The following RAVER1 variants were observed in gnomAD, a reference collection of about 807,000 sequenced individuals.
RAVER1 encodes the protein ribonucleoprotein, PTB binding 1, also known as ribonucleoprotein PTB-binding 1.
RAVER1 carries 36 observed loss-of-function variants against 68.4 expected under a neutral mutation model. The observed-to-expected ratio is 0.53, with a 90% CI of 0.40 to 0.70. The LOEUF (loss-of-function observed/expected upper bound fraction) is 0.70, where lower values mean the gene tolerates loss of function less well. RAVER1 is among the 30% of genes least tolerant of loss of function. The pLI is 0.00. For synonymous variants in RAVER1, 469 were observed against 472.7 expected (o/e 0.99, Z 0.10); for missense variants, 933 against 1,019.8 (o/e 0.91, Z 1.16).
intron 1 of RAVER1, among the ~76,000 whole-genome samples, chr19:10,331,635 G>C (rs911712634): frequency 8.5e-6 from 1 of 117,310 alleles, no homozygotes; most frequent in Non-Finnish European, 1.6e-5. Flanking sequence ...GCAGTGAGCA[G>C]ACATCAAGCC....
At position 10,318,215 on chromosome 19, in the gene RAVER1, G is replaced by A; in HGVS notation, c.1989+14C>T. 2 of 1,596,306 alleles carry A rather than the reference G, an allele frequency of 1.3e-6. No individual in the cohort carries two copies. The highest frequency in any genetic ancestry group is 1.8e-5 in the Admixed American group (1 of 56,728). On this transcript the variant is annotated intron_variant, in intron 11 of 12. Coordinates refer to ENST00000617231, the MANE Select transcript of RAVER1 (RefSeq NM_133452.3). ...GTCCCAGGGGGCCTGTGCTTGGCCAGAGAGGTTCCTCACCTTACTGAGGTG... is the reference window on the plus strand; with the variant it reads ...GTCCCAGGGGGCCTGTGCTTGGCCAAAGAGGTTCCTCACCTTACTGAGGTG...
chr19:10,330,121 C>CAAA (rs548215492), intron 2 of RAVER1, among the ~76,000 whole-genome samples: 2 of 85,230 alleles, frequency 2.3e-5, no homozygotes, highest in Non-Finnish European at 4.8e-5. Context: ...GACTCCATCT[C>CAAA]AAAAAAAAAA....
chr19:10,330,617 C>T, intron 1 of RAVER1, 91 bp from the exon 2 acceptor site: 1 of 655,740 alleles, frequency 1.5e-6, no homozygotes, highest in East Asian at 2.9e-5. Flanking sequence ...GCTATGAAGG[C>T]AGGTCAATTA....
rs563320632 is a variant in RAVER1, at chr19:10,322,241, T to C, written c.1173+404A>G. ...GTGTTTCTAGGTGTGCGTGTGTGTG[T>C]GTGCACACACTGAGGGGATAGACCT... On this transcript the variant is annotated intron_variant, in intron 6 of 12. Coordinates refer to ENST00000617231, the MANE Select transcript of RAVER1 (RefSeq NM_133452.3). This position sits in a 1 kb window ranked among gnomAD's most constrained non-coding sequence, Gnocchi z 4.3. The C allele has an allele frequency of 9.5e-5, 21 of 221,958 alleles. No individual in the cohort carries two copies. The highest frequency in any genetic ancestry group is 3.1e-4 in the Admixed American group (5 of 16,226). 13.7% of individuals were successfully genotyped at this position (221,958 alleles called of 1,614,324 possible).
chr19:10,330,619 G>A lies in RAVER1; in HGVS notation c.220-93C>T, dbSNP rs2040508136. Reference sequence around the variant, plus strand: ...ATAGCTGCCACCAGCTATGAAGGCAGGTCAATTACCACCCCCCATTTTACC... The same window carrying A: ...ATAGCTGCCACCAGCTATGAAGGCAAGTCAATTACCACCCCCCATTTTACC... On this transcript the variant is annotated intron_variant, in intron 1 of 12. Coordinates refer to ENST00000617231, the MANE Select transcript of RAVER1 (RefSeq NM_133452.3). 4.6e-6 allele frequency: 3 copies of A among 646,360 alleles called. No homozygotes were observed. The South Asian group carries it at 5.1e-5, about 11-fold the overall frequency. The allele number at this position is 646,360 out of a possible 1,614,324, so 40.0% of individuals were successfully genotyped here. A position where few individuals can be genotyped will look rare whatever the true frequency, so the allele number is the denominator to read the frequency against.
chr19:10,332,330 G>C (rs1485288438), intron 1 of RAVER1, among the ~76,000 whole-genome samples: 1 of 152,166 alleles, frequency 6.6e-6, no homozygotes, highest in Admixed American at 6.6e-5. Context: ...AAGTGCTGGC[G>C]CCTGCTGGGA....
rs2040536151 is a variant in RAVER1 at position 10,333,179 on chromosome 19, C to T, written c.219+110G>A. On this transcript the variant is annotated intron_variant, in intron 1 of 12. Coordinates refer to ENST00000617231, the MANE Select transcript of RAVER1 (RefSeq NM_133452.3). This position sits in a 1 kb window ranked among gnomAD's most constrained non-coding sequence, Gnocchi z 4.2. ...ATCCCGCGTGGATCCGGTGCTTGGGCGCCCCCGCCAACGACCCCCGCGCAC... is the reference window on the plus strand; with the variant it reads ...ATCCCGCGTGGATCCGGTGCTTGGGTGCCCCCGCCAACGACCCCCGCGCAC... The T allele has an allele frequency of 1.8e-6, 2 of 1,107,390 alleles. No homozygotes were observed. The highest frequency in any genetic ancestry group is 1.6e-5 in the South Asian group (1 of 63,276). 68.6% of individuals were successfully genotyped at this position (1,107,390 alleles called of 1,614,324 possible).
At chr19:10,319,338 C>G in intron 9 of RAVER1, 98 bp from the exon 10 acceptor site, 1 of 1,249,446 alleles carries the variant, frequency 8.0e-7, no homozygotes, top group Non-Finnish European at 1.1e-6. Context: ...AAGACAGTCC[C>G]CACCACTCTG....
At position 10,328,997 on chromosome 19, in the gene RAVER1, A is replaced by G; in HGVS notation, c.401T>C (p.Leu134Pro). The part of the protein sequence containing the change: ...SVQLQPTDAL[L>P]CVANLPPSLT... ...GCTGGGGGGCAGGTTGGCCACACAC[A>G]GCAGGGCATCCGTGGGCTGCAGCTG... Residue 134 changes from leucine (L) to proline (P), a missense_variant, in exon 3 of 13, where the codon CTG (leucine) becomes CCG (proline). Leu to Pro is a moderately conservative substitution (Grantham distance 98). This residue lies in a region of RAVER1 where 211 missense variants were observed against 230.0 expected (regional missense o/e 0.92). Coordinates refer to ENST00000617231, the MANE Select transcript of RAVER1 (RefSeq NM_133452.3). This position sits in a 1 kb window ranked among gnomAD's most constrained non-coding sequence, Gnocchi z 4.4. 1.3e-6 allele frequency: 2 copies of G among 1,587,444 alleles called. No homozygotes were observed. The highest frequency in any genetic ancestry group is 1.7e-6 in the Non-Finnish European group (2 of 1,163,904).
In RAVER1 at chr19:10,329,132, T is replaced by C; in HGVS notation, c.287-21A>G. The stretch of plus-strand genomic sequence containing the variant: ...GAAGGCTGCGGTGGGAGGAGGGCAG[T>C]GCGAGGTCAGCCGGGCCCTGAGGGC... On this transcript the variant is annotated intron_variant, in intron 2 of 12. Transcript: ENST00000617231. The surrounding 1 kb of genome is among the most constrained non-coding windows in gnomAD (Gnocchi z 4.6). 7.1e-7 allele frequency: 1 copy of C among 1,417,658 alleles called. No homozygotes were observed. The highest frequency in any genetic ancestry group is 9.4e-7 in the Non-Finnish European group (1 of 1,068,672). The allele number at this position is 1,417,658 out of a possible 1,614,324, so 87.8% of individuals were successfully genotyped here. A position where few individuals can be genotyped will look rare whatever the true frequency, so the allele number is the denominator to read the frequency against.
intron 9 of RAVER1, among the ~76,000 whole-genome samples, chr19:10,319,766 A>G (rs2040420054): frequency 6.7e-6 from 1 of 149,108 alleles, no homozygotes; most frequent in African/African-American, 2.4e-5. Flanking sequence ...TTTTTAGTAT[A>G]AAACATAAAT....
chr19:10,321,087 G>A lies in RAVER1; in HGVS notation c.1434C>T (p.Gly478=). The A allele has an allele frequency of 7.4e-7, 1 of 1,343,514 alleles. No individual in the cohort carries two copies. Among genetic ancestry groups the A allele is most frequent in the Non-Finnish European group, 9.5e-7 (1 of 1,049,142 alleles). The allele number at this position is 1,343,514 out of a possible 1,614,324, so 83.2% of individuals were successfully genotyped here. The stretch of plus-strand genomic sequence containing the variant: ...GCAGAGGCCCACTGTCTTTCTGGAG[G>A]CCTCTGAGGCCAGAGCCTCGGAGCC... ...PVGLRGSGLR[G]LQKDSGPLPT... Residue 478 remains glycine, a synonymous_variant, in exon 8 of 13, where the codon GGC becomes GGT. Coordinates refer to ENST00000617231, the MANE Select transcript of RAVER1 (RefSeq NM_133452.3).
At chr19:10,331,393 CAAAAAAAAAA>C (rs1171709414) in intron 1 of RAVER1, among the ~76,000 whole-genome samples, 1 of 48,514 alleles carries the variant, frequency 2.1e-5, no homozygotes, top group African/African-American at 9.3e-5. Flanking sequence ...ATAACAACAA[CAAAAAAAAAA>C]AAAAAAAAAG....
chr19:10,318,841 G>C (rs2040414121), intron 10 of RAVER1, among the ~76,000 whole-genome samples: 1 of 152,226 alleles, frequency 6.6e-6, no homozygotes, highest in African/African-American at 2.4e-5. Flanking sequence ...TGAGACCCAG[G>C]TGAGTGCCGG....
Position 10,333,333 on chromosome 19 carries a change from G to A in RAVER1, c.175C>T (p.Arg59Cys). ...GGGAGGCCCCGGATCAGTATCTTGC[G>A]GCGGTTACGGAACTGGCGCTCGGTG... Reference protein sequence around the residue: ...EHTERQFRNRRKILIRGLPGD... With the variant: ...EHTERQFRNRCKILIRGLPGD... Residue 59 changes from arginine to cysteine, a missense_variant, in exon 1 of 13, where the codon CGC (arginine) becomes TGC (cysteine). Around this residue, in one of 3 missense-constraint regions of RAVER1, gnomAD observed 211 missense variants for 230.0 expected, o/e 0.92. Coordinates refer to ENST00000617231, the MANE Select transcript of RAVER1 (RefSeq NM_133452.3). The surrounding 1 kb of genome is among the most constrained non-coding windows in gnomAD (Gnocchi z 4.2). 1 of 1,612,700 alleles carries A rather than the reference G, an allele frequency of 6.2e-7. No individual in the cohort carries two copies. The highest frequency in any genetic ancestry group is 8.5e-7 in the Non-Finnish European group (1 of 1,178,902).
chr19:10,316,421 C>T lies in RAVER1; in HGVS notation c.*1033G>A, dbSNP rs1191995550. Reference sequence around the variant, plus strand: ...GGTGGGCGGGCCCAGAGTTTATCTTCATGGAGTGCTGGTTTCTGGCACTGG... The same window carrying T: ...GGTGGGCGGGCCCAGAGTTTATCTTTATGGAGTGCTGGTTTCTGGCACTGG... On this transcript the variant is annotated 3_prime_UTR_variant, in exon 13 of 13. Coordinates refer to ENST00000617231, the MANE Select transcript of RAVER1 (RefSeq NM_133452.3). The T allele has an allele frequency of 9.8e-7, 1 of 1,017,990 alleles. No individual in the cohort carries two copies. Among genetic ancestry groups the T allele is most frequent in the Non-Finnish European group, 1.2e-6 (1 of 851,128 alleles). The allele number at this position is 1,017,990 out of a possible 1,614,324, so 63.1% of individuals were successfully genotyped here. A position where few individuals can be genotyped will look rare whatever the true frequency, so the allele number is the denominator to read the frequency against.
Position 10,331,729 on chromosome 19 carries a change from A to G in RAVER1, c.220-1203T>C, listed in dbSNP as rs1255715280. Among the ~76,000 whole-genome samples the G allele has an allele frequency of 2.7e-5, 4 of 149,476 alleles. No homozygotes were observed. In the Admixed American group the frequency reaches 2.7e-4, roughly 10 times the overall value. ...AAAAGAGTATGCCTTTAGGGAAGCC[A>G]TTTAACCTGCATGAACCTCCTTTTG... On this transcript the variant is annotated intron_variant, in intron 1 of 12. Transcript: ENST00000617231.
In RAVER1 at chr19:10,333,494, A is replaced by C. The variant is rs762230332; in HGVS notation, c.14T>G (p.Val5Gly). The C allele has an allele frequency of 3.6e-5, 58 of 1,599,992 alleles. No homozygotes were observed. The highest frequency in any genetic ancestry group is 4.9e-5 in the Non-Finnish European group (57 of 1,173,418). The change falls in exon 1 of 13, where the codon GTG becomes GGG. Residue 5 changes from valine to glycine, a missense_variant. Coordinates refer to ENST00000617231, the MANE Select transcript of RAVER1 (RefSeq NM_133452.3). The surrounding 1 kb of genome is among the most constrained non-coding windows in gnomAD (Gnocchi z 4.2). The part of the protein sequence containing the change: MAAD[V>G]SVTHRPPLSP... ...CAGCGGGGGCCGGTGAGTAACGGAC[A>C]CGTCCGCCGCCATCTTGGGAAACCC...
Position 10,317,680 on chromosome 19 carries a change from C to T in RAVER1, c.2073+10G>A. 1 of 1,568,060 alleles carries T rather than the reference C, an allele frequency of 6.4e-7. No homozygotes were observed. ...TCCCAGCCCTGCATGTCCCCACCCC[C>T]TGCCCGTACCTTCAGCAGGTGGCTG... On this transcript the variant is annotated intron_variant, in intron 12 of 12. Coordinates refer to ENST00000617231, the MANE Select transcript of RAVER1 (RefSeq NM_133452.3). This position sits in a 1 kb window ranked among gnomAD's most constrained non-coding sequence, Gnocchi z 4.3.
Sources: gnomAD v4.1 joint callset for allele counts (sites outside exome capture counted in the v4.1 genomes callset) on GRCh38, gnomAD v4.1.1 for gene constraint, gnomAD v4.1.1 regional missense constraint, Gnocchi (gnomAD v3.1) non-coding constraint, MANE v1.5 for transcripts, NCBI Gene and HGNC (gene_info 2026-07-23, HGNC 2026-07-21) for gene names.